SLC31A2: variants seen among roughly 807,000 people sequenced by gnomAD.
SLC31A2 encodes the protein solute carrier family 31 member 2, also known as protein SLC31A2.
A neutral mutation model predicts 14.4 loss-of-function variants in SLC31A2; 16 were observed. The observed-to-expected ratio is 1.11, with a 90% CI of 0.75 to 1.69. SLC31A2 has a LOEUF of 1.69. Among genes scored for constraint, SLC31A2 ranks in the 40% most tolerant of loss-of-function variants. The pLI is 0.00. For synonymous variants in SLC31A2, 56 were observed against 68.7 expected, an observed-to-expected ratio of 0.82 and a Z score of 0.91; for missense variants, 140 against 173.9, an observed-to-expected ratio of 0.81 and a Z score of 1.10.
chr9:113,154,178 T>G (rs1829904352), intron 1 of SLC31A2, among the ~76,000 whole-genome samples: 1 of 151,576 alleles, frequency 6.6e-6, no homozygotes, highest in Non-Finnish European at 1.5e-5. Context: ...TTTGCCATGT[T>G]GCCCAGGCTA....
intron 1 of SLC31A2, among the ~76,000 whole-genome samples, chr9:113,153,970 CTGTTAT>C (rs1829901755): frequency 6.6e-6 from 1 of 152,086 alleles, no homozygotes; most frequent in East Asian, 1.9e-4. Flanking sequence ...GGCACACTCA[CTGTTAT>C]TGTTGTTGTT....
Position 113,162,900 on chromosome 9 carries a change from C to A in SLC31A2, c.415C>A (p.Leu139Ile). 1 of 1,610,490 alleles carries A rather than the reference C, an allele frequency of 6.2e-7. No individual in the cohort carries two copies. The highest frequency in any genetic ancestry group is 8.5e-7 in the Non-Finnish European group (1 of 1,178,658). ...TGTGGGCTACTACCTAGCTTACCCACTTCTCAGCACAGCTTAGCTGGTGAG... is the reference window on the plus strand; with the variant it reads ...TGTGGGCTACTACCTAGCTTACCCAATTCTCAGCACAGCTTAGCTGGTGAG... ...SAVGYYLAYPLLSTA is the reference protein window; with the variant it reads ...SAVGYYLAYPILSTA Residue 139 changes from leucine (L) to isoleucine (I), a missense_variant, in exon 4 of 4, where the codon CTT becomes ATT. Transcript: ENST00000259392.
intron 1 of SLC31A2, among the ~76,000 whole-genome samples, chr9:113,156,329 GGGT>G (rs1352720547): frequency 6.6e-6 from 1 of 152,098 alleles, no homozygotes; most frequent in Non-Finnish European, 1.5e-5. Flanking sequence ...AAATGAGAGG[GGGT>G]GGAGAGGGAC....
At chr9:113,156,805 C>T (rs889083325) in intron 1 of SLC31A2, among the ~76,000 whole-genome samples, 46 of 152,326 alleles carry the variant, frequency 3.0e-4, no homozygotes, top group African/African-American at 1.1e-3. Flanking sequence ...ACTGTACCCT[C>T]CTTTCTTGGA....
chr9:113,153,367 C>T (rs1252472455), intron 1 of SLC31A2, among the ~76,000 whole-genome samples: 1 of 152,008 alleles, frequency 6.6e-6, no homozygotes, highest in African/African-American at 2.4e-5. Context: ...TTTACTTGAC[C>T]AGTCCCTACT....
intron 2 of SLC31A2, among the ~76,000 whole-genome samples, chr9:113,158,457 C>T (rs919333568): frequency 6.6e-6 from 1 of 152,308 alleles, no homozygotes; most frequent in African/African-American, 2.4e-5. Context: ...TTTTATCATT[C>T]TCTCTCAAGG....
At position 113,151,388 on chromosome 9, in the gene SLC31A2, GCCC is replaced by G. The variant is rs1341293942; in HGVS notation, c.6+311_6+313del. ...GTGGCTGAAGACAGCTGGGTCCGGG[GCCC>G]CCGGCCCCGGACCTCTGGCCGGCGC... On this transcript the variant is annotated intron_variant, in intron 1 of 3. Coordinates refer to ENST00000259392, the MANE Select transcript of SLC31A2 (RefSeq NM_001860.3). This position sits in a 1 kb window ranked among gnomAD's most constrained non-coding sequence, Gnocchi z 4.2. Among the ~76,000 whole-genome samples, 12 of 151,904 alleles carry G rather than the reference GCCC, an allele frequency of 7.9e-5. No homozygotes were observed. Among genetic ancestry groups the G allele is most frequent in the East Asian group, 5.9e-4 (3 of 5,098 alleles).
rs771882709 is a variant in SLC31A2, at chr9:113,151,127, G to T, written c.6+47G>T. 6.4e-5 allele frequency: 82 copies of T among 1,287,870 alleles called. No individual in the cohort carries two copies. Among genetic ancestry groups the T allele is most frequent in the African/African-American group, 1.7e-4 (11 of 65,948 alleles). 79.8% of individuals were successfully genotyped at this position (1,287,870 alleles called of 1,614,324 possible). A position where few individuals can be genotyped will look rare whatever the true frequency, so the allele number is the denominator to read the frequency against. ...GAAGAGGGTGGGCGGTTGGGGCGGG[G>T]TCTCCTGGAGCTGCCATCTCGGCAC... On this transcript the variant is annotated intron_variant, in intron 1 of 3. Transcript: ENST00000259392. The surrounding 1 kb of genome is among the most constrained non-coding windows in gnomAD (Gnocchi z 4.2).
intron 1 of SLC31A2, chr9:113,152,161 A>G (rs1829875786): frequency 6.6e-6 from 1 of 152,252 alleles, no homozygotes; most frequent in Admixed American, 6.5e-5. Context: ...GAAGAAATAT[A>G]GAAGAAAACA....
At chr9:113,159,334 C>T (rs540545778) in intron 2 of SLC31A2, among the ~76,000 whole-genome samples, 12 of 152,070 alleles carry the variant, frequency 7.9e-5, no homozygotes, top group African/African-American at 1.4e-4. Flanking sequence ...GGTTTCACCA[C>T]GTTGGCCAGG....
rs1283047274 is a variant in SLC31A2 at position 113,151,402 on chromosome 9, A to C, written c.6+322A>C. On this transcript the variant is annotated intron_variant, in intron 1 of 3. Coordinates refer to ENST00000259392, the MANE Select transcript of SLC31A2 (RefSeq NM_001860.3). The surrounding 1 kb of genome is among the most constrained non-coding windows in gnomAD (Gnocchi z 4.2). ...CTGGGTCCGGGGCCCCCGGCCCCGG[A>C]CCTCTGGCCGGCGCCCCAGGGCGGA... Among the ~76,000 whole-genome samples the C allele has an allele frequency of 4.7e-5, 7 of 150,314 alleles. No individual in the cohort carries two copies. The highest frequency in any genetic ancestry group is 2.4e-5 in the African/African-American group (1 of 40,850).
Position 113,162,974 on chromosome 9 carries a change from A to G in SLC31A2, c.*57A>G. 6.9e-7 allele frequency: 1 copy of G among 1,449,806 alleles called. No homozygotes were observed. The highest frequency in any genetic ancestry group is 9.3e-7 in the Non-Finnish European group (1 of 1,080,772). The allele number at this position is 1,449,806 out of a possible 1,614,324, so 89.8% of individuals were successfully genotyped here. On this transcript the variant is annotated 3_prime_UTR_variant, in exon 4 of 4. Coordinates refer to ENST00000259392, the MANE Select transcript of SLC31A2 (RefSeq NM_001860.3). Reference sequence around the variant, plus strand: ...AGGGACATGGAGCCCCCTCTTCCAGACACTATACTTCCAACTGCCCTTTCT... The same window carrying G: ...AGGGACATGGAGCCCCCTCTTCCAGGCACTATACTTCCAACTGCCCTTTCT...
chr9:113,161,250 G>A (rs1830007642), intron 2 of SLC31A2: 6 of 485,684 alleles, frequency 1.2e-5, no homozygotes, highest in South Asian at 2.7e-5. Context: ...CCTGCTGGGG[G>A]AGTGGGTGGG....
Position 113,163,136 on chromosome 9 carries a change from TG to T in SLC31A2, c.*220del, listed in dbSNP as rs1251373728. ...CCTACGTAGGGCCCAGGCATGGTCT[TG>T]TGTCTTAAGACAGCTGCTGTGACCA... On this transcript the variant is annotated 3_prime_UTR_variant, in exon 4 of 4. Transcript: ENST00000259392. 6 of 445,718 alleles carry T rather than the reference TG, an allele frequency of 1.3e-5. No individual in the cohort carries two copies. Among genetic ancestry groups the T allele is most frequent in the African/African-American group, 4.0e-5 (2 of 49,440 alleles). The allele number at this position is 445,718 out of a possible 1,614,324, so 27.6% of individuals were successfully genotyped here. A position where few individuals can be genotyped will look rare whatever the true frequency, so the allele number is the denominator to read the frequency against.
chr9:113,155,079 A>G (rs1188538409), intron 1 of SLC31A2, among the ~76,000 whole-genome samples: 1 of 152,192 alleles, frequency 6.6e-6, no homozygotes, highest in African/African-American at 2.4e-5. Context: ...AAACAACCGA[A>G]CGACAGCACA....
chr9:113,157,320 C>G (rs990500000), intron 1 of SLC31A2, among the ~76,000 whole-genome samples: 1 of 152,206 alleles, frequency 6.6e-6, no homozygotes, highest in African/African-American at 2.4e-5. Flanking sequence ...ACAAAGAGGA[C>G]TCCAGGCTTC....
At chr9:113,156,980 G>A (rs767726628) in intron 1 of SLC31A2, among the ~76,000 whole-genome samples, 1 of 152,142 alleles carries the variant, frequency 6.6e-6, no homozygotes, top group Admixed American at 6.5e-5. Flanking sequence ...GGACCTAATT[G>A]TCCCTGTCAC....
At chr9:113,161,882 C>A in intron 3 of SLC31A2, 184 bp downstream of exon 3, 1 of 712,036 alleles carries the variant, frequency 1.4e-6, no homozygotes, top group Non-Finnish European at 2.5e-6. Flanking sequence ...ATGCCCAGGC[C>A]AAAGCACTCT....
Position 113,151,145 on chromosome 9 carries a change from C to T in SLC31A2, c.6+65C>T, listed in dbSNP as rs965921209. ...GGGCGGGGTCTCCTGGAGCTGCCAT[C>T]TCGGCACCCCGAATCCTCGCTGCCG... On this transcript the variant is annotated intron_variant, in intron 1 of 3. Coordinates refer to ENST00000259392, the MANE Select transcript of SLC31A2 (RefSeq NM_001860.3). The surrounding 1 kb of genome is among the most constrained non-coding windows in gnomAD (Gnocchi z 4.2). The T allele has an allele frequency of 7.9e-7, 1 of 1,271,482 alleles. No individual in the cohort carries two copies. The highest frequency in any genetic ancestry group is 3.7e-5 in the Admixed American group (1 of 27,140). The allele number at this position is 1,271,482 out of a possible 1,614,324, so 78.8% of individuals were successfully genotyped here.
Sources: allele counts gnomAD v4.1 joint callset (sites outside exome capture counted in the v4.1 genomes callset), GRCh38; gene constraint gnomAD v4.1.1; non-coding constraint Gnocchi (gnomAD v3.1); transcripts MANE v1.5; gene names NCBI Gene and HGNC (gene_info 2026-07-23, HGNC 2026-07-21).